Variants in MRPL42 observed in about 807,000 individuals in gnomAD.
The protein encoded by MRPL42 is large ribosomal subunit protein mL42.
In MRPL42, 17 loss-of-function variants were observed where a neutral mutation model predicts 17.9. The observed-to-expected ratio is 0.95, with a 90% CI of 0.65 to 1.42. The LOEUF is 1.42. MRPL42 is among the 40% of genes most tolerant of loss of function. The pLI is 0.00. For synonymous variants in MRPL42, 59 were observed against 54.4 expected (o/e 1.08, Z -0.37); for missense variants, 177 against 175.2 (o/e 1.01, Z -0.06).
At chr12:93,490,171 G>A (rs1436434336) in intron 5 of MRPL42, among the ~76,000 whole-genome samples, 1 of 152,200 alleles carries the variant, frequency 6.6e-6, no homozygotes, top group African/African-American at 2.4e-5. Flanking sequence ...CTAAAGGTAT[G>A]TAACTTGACG....
chr12:93,487,734 A>C (rs1953332733), intron 5 of MRPL42, 74 bp downstream of exon 5: 12 of 1,331,580 alleles, frequency 9.0e-6, no homozygotes, highest in Non-Finnish European at 1.2e-5. Flanking sequence ...TGCAATAACA[A>C]ACTTCTGAAG....
At position 93,515,109 on chromosome 12, in the gene MRPL42, A is replaced by C. The variant is rs546677522; in HGVS notation, c.*13888A>C. On this transcript the variant is annotated 3_prime_UTR_variant, in exon 6 of 6. Transcript: ENST00000549982. Reference sequence around the variant, plus strand: ...CACTGATTTTTAATTTTACCATTTAAATGTTAGTAACAGCTGGTAATGTAA... The same window carrying C: ...CACTGATTTTTAATTTTACCATTTACATGTTAGTAACAGCTGGTAATGTAA... 2 of 152,276 alleles carry C rather than the reference A, an allele frequency of 1.3e-5. No homozygotes were observed. Among genetic ancestry groups the C allele is most frequent in the African/African-American group, 4.8e-5 (2 of 41,552 alleles). The allele number at this position is 152,276 out of a possible 1,614,324, so 9.4% of individuals were successfully genotyped here. A position where few individuals can be genotyped will look rare whatever the true frequency, so the allele number is the denominator to read the frequency against.
Position 93,502,236 on chromosome 12 carries a change from G to A in MRPL42, c.*1015G>A, listed in dbSNP as rs1953607320. ...ACAGCTGCAGCTCTGTGATTAAAAT[G>A]TTAAGGTCACTAGAATAGTGTTAGG... On this transcript the variant is annotated 3_prime_UTR_variant, in exon 6 of 6. Coordinates refer to ENST00000549982, the MANE Select transcript of MRPL42 (RefSeq NM_014050.4). The A allele has an allele frequency of 6.6e-6, 1 of 152,164 alleles. No homozygotes were observed. The highest frequency in any genetic ancestry group is 6.5e-5 in the Admixed American group (1 of 15,272). The allele number at this position is 152,164 out of a possible 1,614,324, so 9.4% of individuals were successfully genotyped here.
chr12:93,486,494 G>T (rs369789518), intron 4 of MRPL42, among the ~76,000 whole-genome samples: 1 of 152,100 alleles, frequency 6.6e-6, no homozygotes. Context: ...ACAGGTGTGC[G>T]CTACCGCACC....
Position 93,508,979 on chromosome 12 carries a change from G to C in MRPL42, c.*7758G>C, listed in dbSNP as rs1953698669. 1 of 152,096 alleles carries C rather than the reference G, an allele frequency of 6.6e-6. No individual in the cohort carries two copies. Among genetic ancestry groups the C allele is most frequent in the South Asian group, 2.1e-4 (1 of 4,822 alleles). 9.4% of individuals were successfully genotyped at this position (152,096 alleles called of 1,614,324 possible). A position where few individuals can be genotyped will look rare whatever the true frequency, so the allele number is the denominator to read the frequency against. ...GAGGTGGGCGGATCACTTGAGGTCA[G>C]GAGTTTGAGACCAGCCTAGCTAACA... On this transcript the variant is annotated 3_prime_UTR_variant, in exon 6 of 6. Transcript: ENST00000549982.
Position 93,479,384 on chromosome 12 carries a change from T to A in MRPL42, c.135-4T>A. ...CTTTATTTCTAAAACATTCTTTTTT[T>A]TAGCAACGTAGAGCTTGCTCTGACT... On this transcript the variant is annotated splice_region_variant and splice_polypyrimidine_tract_variant and intron_variant, in intron 3 of 5. Transcript: ENST00000549982. 1 of 1,597,922 alleles carries A rather than the reference T, an allele frequency of 6.3e-7. No individual in the cohort carries two copies. Among genetic ancestry groups the A allele is most frequent in the East Asian group, 2.2e-5 (1 of 44,764 alleles).
At chr12:93,491,865 G>A (rs539554438) in intron 5 of MRPL42, among the ~76,000 whole-genome samples, 1 of 152,272 alleles carries the variant, frequency 6.6e-6, no homozygotes, top group South Asian at 2.1e-4. Flanking sequence ...GAGAACGTGT[G>A]GTATTTGGTT....
chr12:93,480,974 C>A (rs1211122532), intron 4 of MRPL42, among the ~76,000 whole-genome samples: 5 of 152,118 alleles, frequency 3.3e-5, no homozygotes, highest in Non-Finnish European at 5.9e-5. Flanking sequence ...GAAAAATAGG[C>A]CTACATCACT....
Position 93,507,972 on chromosome 12 carries a change from G to A in MRPL42, c.*6751G>A, listed in dbSNP as rs1592793363. 2 of 152,566 alleles carry A rather than the reference G, an allele frequency of 1.3e-5. No individual in the cohort carries two copies. Among genetic ancestry groups the A allele is most frequent in the Admixed American group, 6.5e-5 (1 of 15,292 alleles). The allele number at this position is 152,566 out of a possible 1,614,324, so 9.5% of individuals were successfully genotyped here. On this transcript the variant is annotated 3_prime_UTR_variant, in exon 6 of 6. Coordinates refer to ENST00000549982, the MANE Select transcript of MRPL42 (RefSeq NM_014050.4). ...AAAAAAAAAAATTTTTTGAGATGGA[G>A]TTTCGCCCTTGTTGCCCAGGCTGGA... is the stretch of plus-strand genomic sequence containing the variant.
rs139668646 is a variant in MRPL42, at chr12:93,496,255, C to T, written c.384-4921C>T. ...TGTATTTTTAGTAAAGGCAGGGTTT[C>T]GCCATGTTGGCCAGGCTGGTCTTGA... On this transcript the variant is annotated intron_variant, in intron 5 of 5. Coordinates refer to ENST00000549982, the MANE Select transcript of MRPL42 (RefSeq NM_014050.4). Among the ~76,000 whole-genome samples, 13 of 152,088 alleles carry T rather than the reference C, an allele frequency of 8.5e-5. No individual in the cohort carries two copies. The East Asian group carries it at 2.1e-3, about 25-fold the overall frequency.
At chr12:93,487,820 A>G in intron 5 of MRPL42, 160 bp downstream of exon 5, 1 of 606,764 alleles carries the variant, frequency 1.6e-6, no homozygotes, top group South Asian at 2.3e-5. Flanking sequence ...TTTCTGAGAC[A>G]GGATCTCGCT....
intron 5 of MRPL42, among the ~76,000 whole-genome samples, chr12:93,489,460 G>A (rs1397683526): frequency 6.6e-6 from 1 of 151,916 alleles, no homozygotes; most frequent in African/African-American, 2.4e-5. Context: ...TTTTTTGGGG[G>A]GGCAGGCAAC....
At position 93,481,350 on chromosome 12, in the gene MRPL42, CTT is replaced by C. The variant is rs551151099; in HGVS notation, c.219+1881_219+1882del. On this transcript the variant is annotated intron_variant, in intron 4 of 5. Coordinates refer to ENST00000549982, the MANE Select transcript of MRPL42 (RefSeq NM_014050.4). ...TAGTTGCTGTTTTCTCTCGCATACT[CTT>C]TTACCACTGGGTCTAAAGATGGGGA... Among the ~76,000 whole-genome samples, 98 of 152,348 alleles carry C rather than the reference CTT, an allele frequency of 6.4e-4. 3 individuals carry two copies. The South Asian group carries it at 0.018, about 29-fold the overall frequency.
At chr12:93,474,573 T>A (rs527278335) in intron 2 of MRPL42, among the ~76,000 whole-genome samples, 7 of 152,170 alleles carry the variant, frequency 4.6e-5, no homozygotes, top group Non-Finnish European at 1.0e-4. Context: ...TAGCTGGGAT[T>A]ATAGGTGCAT....
At chr12:93,480,278 G>A (rs939597045) in intron 4 of MRPL42, among the ~76,000 whole-genome samples, 22 of 150,134 alleles carry the variant, frequency 1.5e-4, no homozygotes, top group African/African-American at 4.9e-4. Context: ...CTGCCACCAC[G>A]CCCGGCTAAT....
intron 4 of MRPL42, 23 bp downstream of exon 4, chr12:93,479,495 C>G: frequency 6.5e-7 from 1 of 1,532,632 alleles, no homozygotes. Context: ...AAATTTCTTG[C>G]AGTTTTTAAT....
Position 93,484,977 on chromosome 12 carries a change from C to CGTATATATATATAT in MRPL42, c.220-2520_220-2519insGTATATATATATAT, listed in dbSNP as rs1880645823. On this transcript the variant is annotated intron_variant, in intron 4 of 5. Coordinates refer to ENST00000549982, the MANE Select transcript of MRPL42 (RefSeq NM_014050.4). The stretch of plus-strand genomic sequence containing the variant: ...TTTTTAAAAAACACACACACACACA[C>CGTATATATATATAT]ACATATATATATATATATATATATA... Among the ~76,000 whole-genome samples the CGTATATATATATAT allele has an allele frequency of 2.4e-4, 7 of 28,604 alleles. 2 individuals are homozygous for CGTATATATATATAT. The highest frequency in any genetic ancestry group is 6.6e-4 in the African/African-American group (7 of 10,658). The allele number at this position is 28,604 out of a possible 152,430, so 18.8% of individuals were successfully genotyped here.
chr12:93,499,540 A>T (rs1426680520), intron 5 of MRPL42, among the ~76,000 whole-genome samples: 1 of 152,144 alleles, frequency 6.6e-6, no homozygotes, highest in African/African-American at 2.4e-5. Flanking sequence ...CTGCTTTGAG[A>T]GAATGCCTTT....
intron 3 of MRPL42, among the ~76,000 whole-genome samples, chr12:93,478,446 TTTCCA>T (rs1880288248): frequency 6.6e-6 from 1 of 151,876 alleles, no homozygotes; most frequent in African/African-American, 2.4e-5. Flanking sequence ...AGACAGGATT[TTTCCA>T]TGTTACCCAG....
Sources: gnomAD v4.1 joint callset for allele counts (sites outside exome capture counted in the v4.1 genomes callset) on GRCh38, gnomAD v4.1.1 for gene constraint, MANE v1.5 for transcripts, NCBI Gene and HGNC (gene_info 2026-07-23, HGNC 2026-07-21) for gene names.